Variants in HERC2 observed in about 807,000 individuals in gnomAD.
HERC2 encodes the protein HECT and RLD domain containing E3 ubiquitin protein ligase 2.
Under a neutral mutation model 537.7 loss-of-function variants are expected in HERC2, and 102 were observed. The observed-to-expected ratio is 0.19, with a 90% CI of 0.16 to 0.22. The LOEUF is 0.22. HERC2 is among the 10% of genes least tolerant of loss of function. HERC2 has a pLI of 1.00. For missense variants in HERC2, 4,236 were observed against 6,198.2 expected (o/e 0.68, Z 10.63); for synonymous variants, 2,224 against 2,466.2 (o/e 0.90, Z 2.91).
chr15:28,166,934 C>CAGGT (rs965348015), intron 68 of HERC2, among the ~76,000 whole-genome samples: 5 of 152,174 alleles, frequency 3.3e-5, no homozygotes, highest in South Asian at 2.1e-4. Context: ...TATAAAAAGA[C>CAGGT]AGGTAGGTAG....
chr15:28,202,539 T>C lies in HERC2; in HGVS notation c.7288A>G (p.Ser2430Gly). ...HPSSPGFEDC[S>G]SSEATTPVAV... ...ACAGGCGTGGTGGCCTCACTGGAGCTGCAGTCTTCAAATCCTGGGCTCGAA... is the reference window on the plus strand; with the variant it reads ...ACAGGCGTGGTGGCCTCACTGGAGCCGCAGTCTTCAAATCCTGGGCTCGAA... The change falls in exon 46 of 93, where the codon AGC becomes GGC. Residue 2430 changes from serine (S) to glycine (G), a missense_variant. By Grantham distance (56) the Ser-to-Gly change is moderately conservative. Transcript: ENST00000261609. The C allele has an allele frequency of 7.2e-6, 7 of 974,908 alleles. No individual in the cohort carries two copies. The highest frequency in any genetic ancestry group is 1.1e-5 in the Non-Finnish European group (7 of 648,024). 60.4% of individuals were successfully genotyped at this position (974,908 alleles called of 1,614,324 possible). A position where few individuals can be genotyped will look rare whatever the true frequency, so the allele number is the denominator to read the frequency against.
In HERC2 at chr15:28,211,160, A is replaced by T. The variant is rs58921212; in HGVS notation, c.6926-15T>A. On this transcript the variant is annotated splice_polypyrimidine_tract_variant and intron_variant, in intron 43 of 92. Coordinates refer to ENST00000261609, the MANE Select transcript of HERC2 (RefSeq NM_004667.6). ...GTCCACTTGTCCTGCGGAAGGAAAG[A>T]CTCAGTGAGAAGGGCGTGCCCTGCT... 94,826 of 1,389,150 alleles carry T rather than the reference A, an allele frequency of 0.068. 5,025 individuals are homozygous for T. The highest frequency in any genetic ancestry group is 0.36 in the East Asian group (15,199 of 42,750). 86.1% of individuals were successfully genotyped at this position (1,389,150 alleles called of 1,614,324 possible). A position where few individuals can be genotyped will look rare whatever the true frequency, so the allele number is the denominator to read the frequency against.
intron 2 of HERC2, 114 bp from the exon 3 acceptor site, chr15:28,299,630 A>G (rs1183761926): frequency 1.1e-5 from 7 of 625,076 alleles, no homozygotes; most frequent in Non-Finnish European, 2.0e-5. Flanking sequence ...TCATTTGGTA[A>G]TAAAATCAAT....
In HERC2 at chr15:28,198,358, T is replaced by C; in HGVS notation, c.8011+20A>G. On this transcript the variant is annotated intron_variant, in intron 50 of 92. Transcript: ENST00000261609. ...AATGAAAAGTTAACATCAGGAATTT[T>C]ATTACCCAGATAATATTACCTTTCA... is the stretch of plus-strand genomic sequence containing the variant. The C allele has an allele frequency of 1.2e-6, 2 of 1,607,146 alleles. No homozygotes were observed. Among genetic ancestry groups the C allele is most frequent in the Non-Finnish European group, 1.7e-6 (2 of 1,178,348 alleles).
rs779924490 is a variant in HERC2, at chr15:28,124,098, G to A, written c.13127C>T (p.Thr4376Ile). ...MFDLEGSLDE[T>I]GLGPSVGFDT... ...GAACCCAACAGAAGGCCCGAGTCCA[G>A]TTTCGTCGAGCGAGCCTTCCAGGTC... The change falls in exon 85 of 93, where the codon ACT (threonine) becomes ATT (isoleucine). Residue 4376 changes from threonine (T) to isoleucine (I), a missense_variant. Physicochemically the swap from Thr to Ile is moderately conservative, Grantham distance 89 (BLOSUM62 -1). This residue lies in a region of HERC2 where 189 missense variants were observed against 255.7 expected (regional missense o/e 0.74). Coordinates refer to ENST00000261609, the MANE Select transcript of HERC2 (RefSeq NM_004667.6). 3.1e-6 allele frequency: 5 copies of A among 1,608,580 alleles called. No homozygotes were observed. In the South Asian group the frequency reaches 3.3e-5, roughly 11 times the overall value.
At chr15:28,277,448 G>C (rs947777361) in intron 5 of HERC2, among the ~76,000 whole-genome samples, 2 of 142,638 alleles carry the variant, frequency 1.4e-5, no homozygotes, top group African/African-American at 2.6e-5. Flanking sequence ...AACTGTATGT[G>C]AATCCACAAT....
At chr15:28,173,775 A>G (rs1416702523) in intron 65 of HERC2, among the ~76,000 whole-genome samples, 1 of 144,626 alleles carries the variant, frequency 6.9e-6, no homozygotes, top group Non-Finnish European at 1.5e-5. Context: ...TGCACTCCAG[A>G]GTGAGACCCT....
rs751057853 is a variant in HERC2, at chr15:28,143,948, C to A, written c.11343G>T (p.Leu3781=). 9 of 1,614,130 alleles carry A rather than the reference C, an allele frequency of 5.6e-6. 1 individual carries two copies. Among genetic ancestry groups the A allele is most frequent in the Non-Finnish European group, 5.9e-6 (7 of 1,180,018 alleles). ...RMWALQRLRK[L]LTTEFGQSIN... Reference sequence around the variant, plus strand: ...TTGACTGCCCAAATTCAGTTGTAAGCAGCTTCCTCAGTCTCTGAAGGGCCC... The same window carrying A: ...TTGACTGCCCAAATTCAGTTGTAAGAAGCTTCCTCAGTCTCTGAAGGGCCC... The change falls in exon 74 of 93, where the codon CTG becomes CTT. Residue 3781 remains leucine, a synonymous_variant. Transcript: ENST00000261609.
Position 28,229,186 on chromosome 15 carries a change from T to C in HERC2, c.5272+9A>G, listed in dbSNP as rs765476900. ...CTATAAAATAACATTGATACAATTATTGACTCACCAAGCTCTTTAAATTTG... is the reference window on the plus strand; with the variant it reads ...CTATAAAATAACATTGATACAATTACTGACTCACCAAGCTCTTTAAATTTG... On this transcript the variant is annotated intron_variant, in intron 34 of 92. Transcript: ENST00000261609. 34 of 1,607,984 alleles carry C rather than the reference T, an allele frequency of 2.1e-5. No individual in the cohort carries two copies. Among genetic ancestry groups the C allele is most frequent in the Middle Eastern group, 2.2e-4 (1 of 4,646 alleles).
chr15:28,284,748 C>G (rs1156520986), intron 4 of HERC2, among the ~76,000 whole-genome samples: 2 of 151,660 alleles, frequency 1.3e-5, no homozygotes, highest in African/African-American at 4.8e-5. Flanking sequence ...AACCCCATCT[C>G]TACTAAAAAT....
At chr15:28,168,682 G>A (rs1168937626) in intron 66 of HERC2, 92 bp from the exon 67 acceptor site, 18 of 1,168,330 alleles carry the variant, frequency 1.5e-5, no homozygotes, top group Middle Eastern at 2.1e-4. Context: ...GCACTGAGGC[G>A]TTTCCTCATT....
chr15:28,274,694 G>A (rs2075825072), intron 6 of HERC2, among the ~76,000 whole-genome samples: 1 of 152,166 alleles, frequency 6.6e-6, no homozygotes. Flanking sequence ...TGACGTGGGG[G>A]TGGGGGTGCA....
intron 2 of HERC2, among the ~76,000 whole-genome samples, chr15:28,300,913 A>G (rs2076605932): frequency 6.7e-6 from 1 of 148,724 alleles, no homozygotes; most frequent in Non-Finnish European, 1.5e-5. Context: ...AACAACTTAA[A>G]TTGGAAATCT....
At chr15:28,246,709 T>C in intron 22 of HERC2, 33 bp downstream of exon 22, 1 of 1,511,466 alleles carries the variant, frequency 6.6e-7, no homozygotes, top group Non-Finnish European at 8.9e-7. Flanking sequence ...TCTCCTAAAA[T>C]AAACATGTAC....
chr15:28,311,258 A>T (rs1334266052), intron 2 of HERC2, among the ~76,000 whole-genome samples: 1 of 151,870 alleles, frequency 6.6e-6, no homozygotes, highest in African/African-American at 2.4e-5. Flanking sequence ...TGAGCCCAGG[A>T]GTTCGAGACC....
At chr15:28,179,375 C>T in intron 57 of HERC2, 152 bp from the exon 58 acceptor site, 2 of 675,002 alleles carry the variant, frequency 3.0e-6, no homozygotes, top group Non-Finnish European at 5.1e-6. Flanking sequence ...GATGGCAGTC[C>T]CAGTAGATTA....
intron 65 of HERC2, among the ~76,000 whole-genome samples, chr15:28,173,973 G>A (rs1396156180): frequency 6.6e-6 from 1 of 151,934 alleles, no homozygotes; most frequent in Non-Finnish European, 1.5e-5. Flanking sequence ...CATTATCTTT[G>A]ATTGTGCTGA....
Position 28,299,413 on chromosome 15 carries a change from G to A in HERC2, c.176C>T (p.Pro59Leu), listed in dbSNP as rs746288175. ...GTESTQNGELPPRKDDSVEPS... is the reference protein window; with the variant it reads ...GTESTQNGELLPRKDDSVEPS... ...TTAAAGGCCCTTACCTTTTCTAGGAGGGAGCTCTCCGTTCTGGGTTGATTC... is the reference window on the plus strand; with the variant it reads ...TTAAAGGCCCTTACCTTTTCTAGGAAGGAGCTCTCCGTTCTGGGTTGATTC... Residue 59 changes from proline (P) to leucine (L), a missense_variant, in exon 3 of 93, where the codon CCT becomes CTT. Around this residue, in one of 27 missense-constraint regions of HERC2, gnomAD observed 491 missense variants for 559.3 expected, o/e 0.88. Transcript: ENST00000261609. 6.4e-7 allele frequency: 1 copy of A among 1,564,998 alleles called. No homozygotes were observed. The highest frequency in any genetic ancestry group is 8.8e-7 in the Non-Finnish European group (1 of 1,137,680).
intron 74 of HERC2, among the ~76,000 whole-genome samples, chr15:28,143,518 C>T (rs1447502422): frequency 6.6e-6 from 1 of 152,024 alleles, no homozygotes; most frequent in Non-Finnish European, 1.5e-5. Context: ...GGGATCTCAG[C>T]TCACTCCAAC....
Sources: gnomAD v4.1 joint callset for allele counts (sites outside exome capture counted in the v4.1 genomes callset) on GRCh38, gnomAD v4.1.1 for gene constraint, gnomAD v4.1.1 regional missense constraint, MANE v1.5 for transcripts, NCBI Gene and HGNC (gene_info 2026-07-23, HGNC 2026-07-21) for gene names.